The following RCAN2 variants were observed in gnomAD, a reference collection of about 807,000 sequenced individuals.
RCAN2 encodes the protein calcipressin-2.
Under a neutral mutation model 23.6 loss-of-function variants are expected in RCAN2, and 9 were observed. That is an observed-to-expected ratio of 0.38 (90% CI 0.23 to 0.67). The LOEUF (loss-of-function observed/expected upper bound fraction) is 0.67. RCAN2 is among the 30% of genes least tolerant of loss of function. RCAN2 has a pLI of 0.51. For missense variants in RCAN2, 273 were observed against 302.3 expected, an observed-to-expected ratio of 0.90 and a Z score of 0.72; for synonymous variants, 109 against 115.7, an observed-to-expected ratio of 0.94 and a Z score of 0.37.
At chr6:46,395,698 C>T (rs146225344) in intron 2 of RCAN2, among the ~76,000 whole-genome samples, 1 of 152,338 alleles carries the variant, frequency 6.6e-6, no homozygotes, top group East Asian at 1.9e-4. Flanking sequence ...AGGGTTGGCT[C>T]ATGTTATCCC....
At chr6:46,256,021 G>T (rs1000223462) in intron 2 of RCAN2, among the ~76,000 whole-genome samples, 1 of 152,108 alleles carries the variant, frequency 6.6e-6, no homozygotes, top group Non-Finnish European at 1.5e-5. Flanking sequence ...GAGCACAAAT[G>T]GTACTCTGAG....
intron 2 of RCAN2, among the ~76,000 whole-genome samples, chr6:46,349,121 G>T (rs1245650481): frequency 6.6e-6 from 1 of 152,104 alleles, no homozygotes; most frequent in African/African-American, 2.4e-5. Context: ...AACATCTTAT[G>T]CATTATAACT....
intron 2 of RCAN2, among the ~76,000 whole-genome samples, chr6:46,286,806 G>A (rs1222932164): frequency 2.0e-5 from 3 of 151,788 alleles, no homozygotes; most frequent in Non-Finnish European, 4.4e-5. Flanking sequence ...AGTTTGAGAC[G>A]AACCTGACCA....
At chr6:46,369,500 CACA>C (rs1765269513) in intron 2 of RCAN2, among the ~76,000 whole-genome samples, 1 of 152,104 alleles carries the variant, frequency 6.6e-6, no homozygotes. Context: ...TACCTTGCAT[CACA>C]ACGTTAGGAT....
chr6:46,268,996 C>A (rs549146212), intron 2 of RCAN2, among the ~76,000 whole-genome samples: 1 of 152,256 alleles, frequency 6.6e-6, no homozygotes, highest in South Asian at 2.1e-4. Context: ...AGAAATATTA[C>A]CTGCAAAACT....
At chr6:46,405,053 G>A (rs56037842) in intron 2 of RCAN2, among the ~76,000 whole-genome samples, 12,210 of 152,244 alleles carry the variant, frequency 0.08, 1,578 homozygotes, top group African/African-American at 0.28. Context: ...AGCGTGTCCA[G>A]AATTGGCGGG....
At chr6:46,338,848 A>G (rs1764218357) in intron 2 of RCAN2, among the ~76,000 whole-genome samples, 1 of 151,852 alleles carries the variant, frequency 6.6e-6, no homozygotes, top group Non-Finnish European at 1.5e-5. Context: ...CCCAGTCTCT[A>G]AAAAACATAC....
intron 2 of RCAN2, among the ~76,000 whole-genome samples, chr6:46,421,663 G>A (rs904720758): frequency 6.6e-6 from 1 of 152,064 alleles, no homozygotes; most frequent in Non-Finnish European, 1.5e-5. Flanking sequence ...CACTTCTCCA[G>A]GTTCCAAAAG....
chr6:46,314,097 G>A (rs1180282170), intron 2 of RCAN2, among the ~76,000 whole-genome samples: 2 of 152,012 alleles, frequency 1.3e-5, no homozygotes, highest in Admixed American at 6.6e-5. Context: ...TGTGGTGACT[G>A]ATGCCTGTAA....
intron 2 of RCAN2, among the ~76,000 whole-genome samples, chr6:46,414,595 T>G (rs989269457): frequency 6.6e-6 from 1 of 152,186 alleles, no homozygotes; most frequent in Non-Finnish European, 1.5e-5. Context: ...ACCCTCCATA[T>G]GTGGGTGGAC....
At chr6:46,244,361 C>T (rs185009370) in intron 4 of RCAN2, among the ~76,000 whole-genome samples, 23 of 152,176 alleles carry the variant, frequency 1.5e-4, no homozygotes, top group African/African-American at 2.6e-4. Flanking sequence ...GCGTCCCTTC[C>T]GGGGCCTAAT....
At chr6:46,400,268 C>T (rs1766212102) in intron 2 of RCAN2, among the ~76,000 whole-genome samples, 1 of 152,126 alleles carries the variant, frequency 6.6e-6, no homozygotes, top group Admixed American at 6.5e-5. Flanking sequence ...TCCAGGCTTC[C>T]TAGAAAGCTC....
chr6:46,401,604 C>T (rs1766250095), intron 2 of RCAN2, among the ~76,000 whole-genome samples: 1 of 152,116 alleles, frequency 6.6e-6, no homozygotes, highest in South Asian at 2.1e-4. Flanking sequence ...TTTCAGTGTA[C>T]TCAGGTCTGT....
intron 2 of RCAN2, among the ~76,000 whole-genome samples, chr6:46,452,058 G>T (rs561432022): frequency 3.6e-4 from 55 of 152,050 alleles, no homozygotes; most frequent in Non-Finnish European, 3.4e-4. Flanking sequence ...GACCACTCTT[G>T]GTACATTATA....
intron 3 of RCAN2, among the ~76,000 whole-genome samples, chr6:46,248,004 T>C (rs1464121315): frequency 2.0e-5 from 3 of 152,222 alleles, no homozygotes; most frequent in Non-Finnish European, 4.4e-5. Context: ...AGGGCCAATG[T>C]CTGTGTTCTT....
At chr6:46,258,179 T>C (rs1455046035) in intron 2 of RCAN2, among the ~76,000 whole-genome samples, 1 of 152,220 alleles carries the variant, frequency 6.6e-6, no homozygotes, top group Admixed American at 6.5e-5. Flanking sequence ...TTATCACTTC[T>C]CAGTGGATAC....
In RCAN2 at chr6:46,439,270, C is replaced by T. The variant is rs538638683; in HGVS notation, c.225+17482G>A. On this transcript the variant is annotated intron_variant, in intron 2 of 4. Transcript: ENST00000371374. ...TGTAATACACTAAATTTTACATGTACAGCTGAGTCTTTTTCAAAAAGGTGA... is the reference window on the plus strand; with the variant it reads ...TGTAATACACTAAATTTTACATGTATAGCTGAGTCTTTTTCAAAAAGGTGA... Among the ~76,000 whole-genome samples, 3 of 152,304 alleles carry T rather than the reference C, an allele frequency of 2.0e-5. No homozygotes were observed. The East Asian group carries it at 5.8e-4, about 29-fold the overall frequency.
intron 1 of RCAN2, among the ~76,000 whole-genome samples, chr6:46,471,681 T>C (rs1399133986): frequency 1.3e-5 from 2 of 152,198 alleles, no homozygotes; most frequent in South Asian, 4.2e-4. Context: ...GGGAATAAAA[T>C]AGATGACACT....
intron 2 of RCAN2, among the ~76,000 whole-genome samples, chr6:46,392,190 A>G (rs1765956930): frequency 6.6e-6 from 1 of 152,206 alleles, no homozygotes; most frequent in Non-Finnish European, 1.5e-5. Context: ...GACCATGGCC[A>G]AGCCCATCTT....
Sources: allele counts gnomAD v4.1 joint callset (sites outside exome capture counted in the v4.1 genomes callset), GRCh38; gene constraint gnomAD v4.1.1; transcripts MANE v1.5; gene names NCBI Gene and HGNC (gene_info 2026-07-23, HGNC 2026-07-21).